The following ABCA1 variants were observed in gnomAD, a reference collection of about 807,000 sequenced individuals.
ABCA1 encodes the protein ATP binding cassette subfamily A member 1.
A neutral mutation model predicts 262.5 loss-of-function variants in ABCA1; 133 were observed. That is an observed-to-expected ratio of 0.51 (90% CI 0.44 to 0.59). The LOEUF (loss-of-function observed/expected upper bound fraction) is 0.59, where lower values mean the gene tolerates loss of function less well. Ranked by LOEUF, ABCA1 falls within the 20% of genes least tolerant of loss-of-function variation. The pLI is 0.00. For missense variants in ABCA1, 2,452 were observed against 2,777.5 expected (o/e 0.88, Z 2.63); for synonymous variants, 1,022 against 1,043.5 (o/e 0.98, Z 0.40).
chr9:104,876,451 T>C (rs1335074513), intron 5 of ABCA1, among the ~76,000 whole-genome samples: 1 of 152,198 alleles, frequency 6.6e-6, no homozygotes, highest in African/African-American at 2.4e-5. Context: ...AAGAGGGGAC[T>C]GTGTCCACAG....
intron 2 of ABCA1, 51 bp from the exon 3 acceptor site, chr9:104,889,246 T>G (rs1403727663): frequency 1.9e-6 from 3 of 1,585,210 alleles, no homozygotes; most frequent in Middle Eastern, 1.7e-4. Context: ...AATATGGATA[T>G]CCAATGCCAC....
At chr9:104,881,018 G>C (rs12002435) in intron 5 of ABCA1, among the ~76,000 whole-genome samples, 12,478 of 152,120 alleles carry the variant, frequency 0.082, 1,458 homozygotes, top group African/African-American at 0.26. Context: ...GCATGGTGGA[G>C]CATGCCTATA....
intron 8 of ABCA1, among the ~76,000 whole-genome samples, chr9:104,842,576 A>G (rs1181474418): frequency 1.3e-5 from 2 of 152,142 alleles, no homozygotes; most frequent in Non-Finnish European, 2.9e-5. Context: ...ACCTCAGCTC[A>G]CACTCCAAAC....
At chr9:104,819,541 G>GCT (rs778999557) in intron 22 of ABCA1, 45 bp downstream of exon 22, 5 of 1,612,618 alleles carry the variant, frequency 3.1e-6, no homozygotes, top group Non-Finnish European at 4.2e-6. Context: ...AAAGCCCCCC[G>GCT]CTCTCTCTCA....
chr9:104,798,332 T>C lies in ABCA1; in HGVS notation c.5121+89A>G, dbSNP rs769101847. ...TCTTTAGAGTAGCTGGAACATTTCCTGATGATAGCCAGAGCTCTTTCTTTC... is the reference window on the plus strand; with the variant it reads ...TCTTTAGAGTAGCTGGAACATTTCCCGATGATAGCCAGAGCTCTTTCTTTC... On this transcript the variant is annotated intron_variant, in intron 37 of 49. Coordinates refer to ENST00000374736, the MANE Select transcript of ABCA1 (RefSeq NM_005502.4). 927 of 1,477,688 alleles carry C rather than the reference T, an allele frequency of 6.3e-4. 1 individual carries two copies. Among genetic ancestry groups the C allele is most frequent in the Non-Finnish European group, 6.3e-4 (667 of 1,059,860 alleles). The allele number at this position is 1,477,688 out of a possible 1,614,324, so 91.5% of individuals were successfully genotyped here.
intron 17 of ABCA1, chr9:104,825,446 A>G: frequency 1.7e-6 from 1 of 582,964 alleles, no homozygotes. Context: ...AAATGAAGCA[A>G]TGTGTATAAA....
At chr9:104,790,821 A>G (rs112086762) in intron 44 of ABCA1, 101 bp downstream of exon 44, 1 of 832,690 alleles carries the variant, frequency 1.2e-6, no homozygotes, top group African/African-American at 1.7e-5. Context: ...CATTTTTATG[A>G]ACTCTAAAAA....
chr9:104,798,585 C>T lies in ABCA1; in HGVS notation c.4957G>A (p.Val1653Met), dbSNP rs1425144218. 6.2e-7 allele frequency: 1 copy of T among 1,614,126 alleles called. No homozygotes were observed. Among genetic ancestry groups the T allele is most frequent in the Non-Finnish European group, 8.5e-7 (1 of 1,179,990 alleles). The change falls in exon 37 of 50, where the codon GTG (valine) becomes ATG (methionine). Residue 1653 changes from valine (V) to methionine (M), a missense_variant. Around this residue, in one of 4 missense-constraint regions of ABCA1, gnomAD observed 752 missense variants for 944.5 expected, o/e 0.80. Coordinates refer to ENST00000374736, the MANE Select transcript of ABCA1 (RefSeq NM_005502.4). ...LSEVALMTTS[V>M]DVLVSICVIF... ...ACACAGATGGACACAAGGACATCCA[C>T]TGATGTGGTCATCCTGGAGAGAAAA... is the stretch of plus-strand genomic sequence containing the variant.
chr9:104,893,377 G>A (rs1376810603), intron 2 of ABCA1, among the ~76,000 whole-genome samples: 11 of 123,272 alleles, frequency 8.9e-5, no homozygotes, highest in African/African-American at 2.2e-4. Flanking sequence ...AGCCAAGATC[G>A]CTCCATTGCA....
At chr9:104,893,109 T>TAA (rs1564262947) in intron 2 of ABCA1, among the ~76,000 whole-genome samples, 4 of 152,094 alleles carry the variant, frequency 2.6e-5, no homozygotes, top group South Asian at 2.1e-4. Context: ...TTAAATGGCA[T>TAA]GACTGTAAAT....
Position 104,818,991 on chromosome 9 carries a change from AC to A in ABCA1, c.3242-109del. On this transcript the variant is annotated intron_variant, in intron 22 of 49. Transcript: ENST00000374736. ...TTAGCAGGGGTAAGCACTGGAAGAG[AC>A]CTGGAAGCCACCTTTCACCCTGTAT... 1.5e-5 allele frequency: 16 copies of A among 1,088,046 alleles called. No homozygotes were observed. The South Asian group carries it at 2.2e-4, about 15-fold the overall frequency. The allele number at this position is 1,088,046 out of a possible 1,614,324, so 67.4% of individuals were successfully genotyped here. A position where few individuals can be genotyped will look rare whatever the true frequency, so the allele number is the denominator to read the frequency against.
At chr9:104,916,299 T>C (rs1230513721) in intron 1 of ABCA1, among the ~76,000 whole-genome samples, 2 of 152,234 alleles carry the variant, frequency 1.3e-5, no homozygotes, top group Non-Finnish European at 1.5e-5. Context: ...AAACAGCCTT[T>C]AGGAAACCCT....
intron 2 of ABCA1, among the ~76,000 whole-genome samples, chr9:104,894,476 T>C (rs767485705): frequency 1.8e-4 from 28 of 152,356 alleles, no homozygotes; most frequent in Middle Eastern, 3.4e-3. Flanking sequence ...GGTCTTACTA[T>C]GTACCAGGGT....
Position 104,894,467 on chromosome 9 carries a change from G to A in ABCA1, c.67-5272C>T, listed in dbSNP as rs569974208. On this transcript the variant is annotated intron_variant, in intron 2 of 49. Coordinates refer to ENST00000374736, the MANE Select transcript of ABCA1 (RefSeq NM_005502.4). ...TTGATGATGATAATAATAATGAAAG[G>A]TCTTACTATGTACCAGGGTTGTGAG... Among the ~76,000 whole-genome samples the A allele has an allele frequency of 1.7e-4, 26 of 152,244 alleles. No homozygotes were observed. In the East Asian group the frequency reaches 2.3e-3, roughly 14 times the overall value.
chr9:104,828,915 C>T lies in ABCA1; in HGVS notation c.2115+1G>A, dbSNP rs1405712124. The stretch of plus-strand genomic sequence containing the variant: ...GGGAAGAGCGAGTGAGGCTGCCTTA[C>T]CTTCAGGATGACCACTAGCAGGCCA... On this transcript the variant is annotated splice_donor_variant, in intron 15 of 49. Coordinates refer to ENST00000374736, the MANE Select transcript of ABCA1 (RefSeq NM_005502.4). LOFTEE classifies it high-confidence loss of function. 6.2e-7 allele frequency: 1 copy of T among 1,614,010 alleles called. No individual in the cohort carries two copies.
intron 2 of ABCA1, among the ~76,000 whole-genome samples, chr9:104,890,739 C>T (rs1839657311): frequency 6.6e-6 from 1 of 152,072 alleles, no homozygotes; most frequent in African/African-American, 2.4e-5. Flanking sequence ...GCTGGGATTA[C>T]AGGCGTGAGC....
At chr9:104,785,767 G>T in intron 48 of ABCA1, 128 bp from the exon 49 acceptor site, 1 of 1,075,354 alleles carries the variant, frequency 9.3e-7, no homozygotes, top group East Asian at 2.5e-5. Flanking sequence ...ATAAGTTTCT[G>T]AGAGAAGGAA....
intron 1 of ABCA1, among the ~76,000 whole-genome samples, chr9:104,913,821 A>G (rs1175775912): frequency 1.3e-5 from 2 of 152,056 alleles, no homozygotes; most frequent in African/African-American, 4.8e-5. Flanking sequence ...ATTTAGATGG[A>G]GTCTGGCTCT....
At chr9:104,789,031 G>C (rs920847616) in intron 44 of ABCA1, among the ~76,000 whole-genome samples, 1 of 152,192 alleles carries the variant, frequency 6.6e-6, no homozygotes, top group East Asian at 1.9e-4. Context: ...TGGCTTTGGG[G>C]TTCTATGAAG....
Sources: allele counts gnomAD v4.1 joint callset (sites outside exome capture counted in the v4.1 genomes callset), GRCh38; gene constraint gnomAD v4.1.1; regional missense constraint gnomAD v4.1.1; transcripts MANE v1.5; gene names NCBI Gene and HGNC (gene_info 2026-07-23, HGNC 2026-07-21).